The following TTC28 variants were observed in gnomAD, a reference collection of about 807,000 sequenced individuals.
TTC28 encodes the protein tetratricopeptide repeat protein 28.
A neutral mutation model predicts 198.0 loss-of-function variants in TTC28; 61 were observed. The observed-to-expected ratio is 0.31, with a 90% CI of 0.25 to 0.38. The LOEUF (loss-of-function observed/expected upper bound fraction) is 0.38. Ranked by LOEUF, TTC28 falls within the 10% of genes least tolerant of loss-of-function variation. The probability of loss-of-function intolerance (pLI) is 1.00; values close to 1 mark genes in which losing one functional copy is unlikely to be tolerated. For synonymous variants in TTC28, 1,171 were observed against 1,297.8 expected (o/e 0.90, Z 2.10); for missense variants, 2,678 against 3,164.0 (o/e 0.85, Z 3.69).
At chr22:28,109,855 C>T (rs1942436296) in intron 6 of TTC28, among the ~76,000 whole-genome samples, 1 of 152,064 alleles carries the variant, frequency 6.6e-6, no homozygotes, top group African/African-American at 2.4e-5. Flanking sequence ...ACAGAAGCCC[C>T]AAAAGTCAAA....
At chr22:28,221,139 A>G (rs563836373) in intron 5 of TTC28, among the ~76,000 whole-genome samples, 12 of 152,276 alleles carry the variant, frequency 7.9e-5, no homozygotes, top group African/African-American at 2.9e-4. Flanking sequence ...CAGCTGGAAT[A>G]TGGAAAGAAG....
intron 2 of TTC28, among the ~76,000 whole-genome samples, chr22:28,388,196 T>A (rs953915674): frequency 3.5e-4 from 54 of 152,334 alleles, no homozygotes; most frequent in African/African-American, 1.3e-3. Context: ...TCTGTTCCAT[T>A]GATCTATATC....
rs185328432 is a variant in TTC28, at chr22:28,397,371, C to T, written c.382-90728G>A. ...CAGGTGAAAACACAAATTCACTGTA[C>T]GGAATTGTCATGAATAAGAGGCAAG... is the stretch of plus-strand genomic sequence containing the variant. On this transcript the variant is annotated intron_variant, in intron 2 of 22. Transcript: ENST00000397906. Among the ~76,000 whole-genome samples, 153 of 152,312 alleles carry T rather than the reference C, an allele frequency of 1.0e-3. 1 individual carries two copies. The highest frequency in any genetic ancestry group is 2.5e-3 in the African/African-American group (104 of 41,564).
At chr22:28,660,011 C>A (rs2051716918) in intron 1 of TTC28, among the ~76,000 whole-genome samples, 2 of 151,846 alleles carry the variant, frequency 1.3e-5, no homozygotes, top group Admixed American at 6.6e-5. Flanking sequence ...CCCAGGCTGA[C>A]CTTGAACTCC....
At chr22:28,128,059 A>G (rs990584957) in intron 6 of TTC28, among the ~76,000 whole-genome samples, 1 of 152,144 alleles carries the variant, frequency 6.6e-6, no homozygotes, top group Non-Finnish European at 1.5e-5. Flanking sequence ...CCTGTAACTT[A>G]GCTCAGAGTC....
intron 2 of TTC28, among the ~76,000 whole-genome samples, chr22:28,407,888 T>C (rs2047023534): frequency 6.6e-6 from 1 of 152,180 alleles, no homozygotes; most frequent in South Asian, 2.1e-4. Context: ...ACTCAAGGAA[T>C]TAAATCGAAT....
At chr22:28,145,793 C>A (rs1423780166) in intron 6 of TTC28, among the ~76,000 whole-genome samples, 4 of 152,174 alleles carry the variant, frequency 2.6e-5, no homozygotes, top group Non-Finnish European at 5.9e-5. Context: ...ATGATACAAA[C>A]TACAATGATA....
At chr22:28,559,966 T>C (rs1353464978) in intron 2 of TTC28, among the ~76,000 whole-genome samples, 1 of 152,214 alleles carries the variant, frequency 6.6e-6, no homozygotes, top group Non-Finnish European at 1.5e-5. Flanking sequence ...CCTATTTGTC[T>C]TCTCCAATTG....
intron 2 of TTC28, among the ~76,000 whole-genome samples, chr22:28,603,803 A>C (rs892134553): frequency 6.6e-6 from 1 of 152,124 alleles, no homozygotes; most frequent in Non-Finnish European, 1.5e-5. Flanking sequence ...CTCTGTAAGA[A>C]AAAAAAATCA....
chr22:28,265,644 C>G (rs1931636227), intron 5 of TTC28, among the ~76,000 whole-genome samples: 1 of 152,094 alleles, frequency 6.6e-6, no homozygotes, highest in Non-Finnish European at 1.5e-5. Flanking sequence ...TGATGATTGA[C>G]TATACAAGCT....
chr22:28,454,152 C>T lies in TTC28; in HGVS notation c.382-147509G>A, dbSNP rs572484123. ...TGACCAAAATTAACCCGCCCCCCTA[C>T]TCCAAATGATTACATACCCTATTAC... On this transcript the variant is annotated intron_variant, in intron 2 of 22. Coordinates refer to ENST00000397906, the MANE Select transcript of TTC28 (RefSeq NM_001145418.2). Among the ~76,000 whole-genome samples the T allele has an allele frequency of 2.5e-4, 38 of 152,284 alleles. 1 individual carries two copies. In the South Asian group the frequency reaches 7.7e-3, roughly 31 times the overall value.
At position 28,361,741 on chromosome 22, in the gene TTC28, G is replaced by C. The variant is rs147455733; in HGVS notation, c.382-55098C>G. 7.2e-4 allele frequency among the ~76,000 whole-genome samples: 110 copies of C among 152,266 alleles called. 1 individual carries two copies. The highest frequency in any genetic ancestry group is 2.6e-3 in the African/African-American group (107 of 41,562). On this transcript the variant is annotated intron_variant, in intron 2 of 22. Transcript: ENST00000397906. ...ACTACAGAGGAGAAGTCAATGCCTG[G>C]CTTCAAAGCTTCAAAGAATGGGCTA...
chr22:28,087,463 C>T (rs537171664), intron 12 of TTC28, among the ~76,000 whole-genome samples: 7 of 152,154 alleles, frequency 4.6e-5, no homozygotes, highest in African/African-American at 1.4e-4. Context: ...ATTCAACAAC[C>T]CTTCATGCTA....
intron 2 of TTC28, among the ~76,000 whole-genome samples, chr22:28,428,977 T>C (rs2047394938): frequency 6.6e-6 from 1 of 152,278 alleles, no homozygotes; most frequent in African/African-American, 2.4e-5. Context: ...AGTTAATAAA[T>C]TAAATTCAGT....
intron 2 of TTC28, among the ~76,000 whole-genome samples, chr22:28,517,135 A>G (rs73882769): frequency 0.011 from 1,671 of 152,264 alleles, 28 homozygotes; most frequent in African/African-American, 0.038. Flanking sequence ...TATCAGACTG[A>G]TCAAATTGAA....
intron 5 of TTC28, among the ~76,000 whole-genome samples, chr22:28,251,253 G>T (rs1930487657): frequency 6.6e-6 from 1 of 152,210 alleles, no homozygotes; most frequent in Admixed American, 6.5e-5. Context: ...AAGGCCTTTT[G>T]TAAGGAGCAG....
chr22:28,478,108 A>G (rs578195630), intron 2 of TTC28, among the ~76,000 whole-genome samples: 1 of 152,346 alleles, frequency 6.6e-6, no homozygotes, highest in Admixed American at 6.5e-5. Flanking sequence ...CAGACAACAT[A>G]AAGCACTTAT....
At position 28,585,814 on chromosome 22, in the gene TTC28, A is replaced by C. The variant is rs556558251; in HGVS notation, c.381+43738T>G. Among the ~76,000 whole-genome samples, 290 of 152,246 alleles carry C rather than the reference A, an allele frequency of 1.9e-3. 1 individual carries two copies. Among genetic ancestry groups the C allele is most frequent in the African/African-American group, 6.7e-3 (278 of 41,524 alleles). On this transcript the variant is annotated intron_variant, in intron 2 of 22. Coordinates refer to ENST00000397906, the MANE Select transcript of TTC28 (RefSeq NM_001145418.2). Reference sequence around the variant, plus strand: ...GAAGAGAGAAACTCAGGATTAAAACAATAAAGAATCTGTAGAAAGATGGGC... The same window carrying C: ...GAAGAGAGAAACTCAGGATTAAAACCATAAAGAATCTGTAGAAAGATGGGC...
intron 2 of TTC28, among the ~76,000 whole-genome samples, chr22:28,485,317 C>T (rs2048302260): frequency 6.6e-6 from 1 of 152,172 alleles, no homozygotes; most frequent in Non-Finnish European, 1.5e-5. Context: ...ACATTCTATA[C>T]ATATTATAAA....
Sources: gnomAD v4.1 joint callset for allele counts (sites outside exome capture counted in the v4.1 genomes callset) on GRCh38, gnomAD v4.1.1 for gene constraint, MANE v1.5 for transcripts, NCBI Gene and HGNC (gene_info 2026-07-23, HGNC 2026-07-21) for gene names.